The following MSRA variants were observed in gnomAD, a reference collection of about 807,000 sequenced individuals.
MSRA encodes methionine sulfoxide reductase A.
A neutral mutation model predicts 31.3 loss-of-function variants in MSRA; 54 were observed. The ratio of observed to expected loss-of-function variants is 1.73; its 90% CI spans 1.39 to 2.17. The LOEUF is 2.17. Among genes scored for constraint, MSRA ranks in the 30% most tolerant of loss-of-function variants. The pLI, the probability that MSRA is intolerant of heterozygous loss-of-function variation, is 0.00. For missense variants in MSRA, 507 were observed against 300.9 expected, an observed-to-expected ratio of 1.69 and a Z score of -5.07; for synonymous variants, 169 against 116.5, an observed-to-expected ratio of 1.45 and a Z score of -2.90.
intron 2 of MSRA, among the ~76,000 whole-genome samples, chr8:10,212,728 A>G (rs766891370): frequency 4.6e-5 from 7 of 152,208 alleles, no homozygotes; most frequent in Non-Finnish European, 8.8e-5. Context: ...TGAGATATTC[A>G]GATGGTAGAG....
chr8:10,410,704 C>T (rs1185676686), intron 5 of MSRA, among the ~76,000 whole-genome samples: 1 of 152,088 alleles, frequency 6.6e-6, no homozygotes, highest in East Asian at 1.9e-4. Flanking sequence ...CTGGAGAACT[C>T]CTGGAGATAT....
At position 10,428,216 on chromosome 8, in the gene MSRA, G is replaced by A. The variant is rs150595709; in HGVS notation, c.612G>A (p.Ala204=). The change falls in exon 6 of 6, where the codon GCG becomes GCA. Residue 204 remains alanine, a synonymous_variant. Transcript: ENST00000317173. ...DIREGQTFYY[A]EDYHQQYLSK... is the part of the protein sequence containing the mutation. ...GGGAGGGACAGACTTTCTACTATGC[G>A]GAAGACTACCACCAGCAGTACCTGA... 278 of 1,614,116 alleles carry A rather than the reference G, an allele frequency of 1.7e-4. 1 individual carries two copies. The African/African-American group carries it at 3.0e-3, about 17-fold the overall frequency.
intron 2 of MSRA, among the ~76,000 whole-genome samples, chr8:10,213,823 C>G (rs1383862064): frequency 1.3e-5 from 2 of 152,114 alleles, no homozygotes; most frequent in Admixed American, 1.3e-4. Context: ...CACTGATTTC[C>G]TCTCTTTTGG....
At chr8:10,181,742 G>A (rs1563189936) in intron 1 of MSRA, among the ~76,000 whole-genome samples, 1 of 152,164 alleles carries the variant, frequency 6.6e-6, no homozygotes, top group South Asian at 2.1e-4. Context: ...AAGTGGTCGT[G>A]GTCCAGACGT....
chr8:10,065,278 G>C (rs895594573), intron 1 of MSRA, among the ~76,000 whole-genome samples: 3 of 151,960 alleles, frequency 2.0e-5, no homozygotes, highest in Non-Finnish European at 2.9e-5. Flanking sequence ...CCCCATGCAG[G>C]TTGCTGGGAA....
intron 3 of MSRA, among the ~76,000 whole-genome samples, chr8:10,266,510 A>T (rs1008786624): frequency 1.3e-5 from 2 of 152,184 alleles, no homozygotes; most frequent in Non-Finnish European, 2.9e-5. Context: ...AATGATTTGC[A>T]AATATTTTAT....
chr8:10,214,085 C>G (rs576383565), intron 2 of MSRA, among the ~76,000 whole-genome samples: 1 of 152,282 alleles, frequency 6.6e-6, no homozygotes, highest in Admixed American at 6.5e-5. Flanking sequence ...TTTTCCGGGT[C>G]AGATTCTCTG....
chr8:10,390,991 A>AAT (rs1368790835), intron 5 of MSRA, among the ~76,000 whole-genome samples: 4 of 151,512 alleles, frequency 2.6e-5, no homozygotes, highest in Admixed American at 2.6e-4. Context: ...AAAAAAAAAA[A>AAT]AACAGCACAA....
chr8:10,232,490 A>G (rs1457569456), intron 2 of MSRA, among the ~76,000 whole-genome samples: 1 of 152,222 alleles, frequency 6.6e-6, no homozygotes, highest in Admixed American at 6.5e-5. Context: ...GCCTTTCATG[A>G]GTGCGGAAGA....
intron 1 of MSRA, among the ~76,000 whole-genome samples, chr8:10,176,617 C>T (rs889735001): frequency 1.3e-5 from 2 of 152,250 alleles, no homozygotes; most frequent in Admixed American, 1.3e-4. Context: ...ATACTGCTTT[C>T]TTCTTTCCCC....
rs760395850 is a variant in MSRA at position 10,428,264 on chromosome 8, C to T, written c.660C>T (p.Cys220=). The T allele has an allele frequency of 6.7e-5, 108 of 1,613,960 alleles. No individual in the cohort carries two copies. The highest frequency in any genetic ancestry group is 1.6e-4 in the East Asian group (7 of 44,886). The change falls in exon 6 of 6, where the codon TGC becomes TGT. Residue 220 remains cysteine, a synonymous_variant. Coordinates refer to ENST00000317173, the MANE Select transcript of MSRA (RefSeq NM_012331.5). ...QYLSKNPNGY[C]GLGGTGVSCP... is the part of the protein sequence containing the mutation. ...TGAGCAAGAACCCCAATGGCTACTGCGGCCTTGGGGGCACCGGCGTGTCCT... is the reference window on the plus strand; with the variant it reads ...TGAGCAAGAACCCCAATGGCTACTGTGGCCTTGGGGGCACCGGCGTGTCCT...
intron 5 of MSRA, among the ~76,000 whole-genome samples, chr8:10,327,448 A>C (rs1411135711): frequency 1.3e-5 from 2 of 152,264 alleles, no homozygotes; most frequent in Non-Finnish European, 2.9e-5. Flanking sequence ...ATGCATGTAC[A>C]AATGGGTTCC....
chr8:10,122,098 C>T, intron 1 of MSRA, among the ~76,000 whole-genome samples: 1 of 152,096 alleles, frequency 6.6e-6, no homozygotes, highest in Admixed American at 6.6e-5. Flanking sequence ...TCTGTCCTGT[C>T]ACCATGGCAA....
chr8:10,081,216 C>A (rs908572991), intron 1 of MSRA, among the ~76,000 whole-genome samples: 1 of 152,168 alleles, frequency 6.6e-6, no homozygotes, highest in Non-Finnish European at 1.5e-5. Context: ...GTGGCTGATT[C>A]CACGTGGAGG....
chr8:10,250,760 C>G (rs1332148206), intron 3 of MSRA: 2 of 395,500 alleles, frequency 5.1e-6, no homozygotes, highest in East Asian at 4.2e-5. Context: ...GCTTATGTGT[C>G]CTGTCCTGAG....
At chr8:10,209,910 G>C (rs1809324477) in intron 2 of MSRA, among the ~76,000 whole-genome samples, 2 of 152,324 alleles carry the variant, frequency 1.3e-5, no homozygotes, top group African/African-American at 4.8e-5. Flanking sequence ...GAATATGTTT[G>C]ACATCTAAGA....
Position 10,054,395 on chromosome 8 carries a change from GC to G in MSRA, c.-119del. 4.2e-6 allele frequency: 1 copy of G among 236,898 alleles called. No homozygotes were observed. Among genetic ancestry groups the G allele is most frequent in the Non-Finnish European group, 6.7e-6 (1 of 148,426 alleles). 14.7% of individuals were successfully genotyped at this position (236,898 alleles called of 1,614,324 possible). On this transcript the variant is annotated 5_prime_UTR_variant, in exon 1 of 6. Coordinates refer to ENST00000317173, the MANE Select transcript of MSRA (RefSeq NM_012331.5). Reference sequence around the variant, plus strand: ...GCCCCGCCAGCAGCGCCCCGCGCCCGCCCGCCCGCGCCCCTGCCGCCCCCCG... The same window carrying G: ...GCCCCGCCAGCAGCGCCCCGCGCCCGCCGCCCGCGCCCCTGCCGCCCCCCG...
chr8:10,362,461 CAAAAAAA>C (rs11388593), intron 5 of MSRA, among the ~76,000 whole-genome samples: 5 of 76,722 alleles, frequency 6.5e-5, no homozygotes, highest in African/African-American at 2.0e-4. Context: ...ATACCATAAG[CAAAAAAA>C]AAAAAAAAAA....
chr8:10,402,366 A>G (rs1190331855), intron 5 of MSRA, among the ~76,000 whole-genome samples: 5 of 152,206 alleles, frequency 3.3e-5, no homozygotes, highest in Non-Finnish European at 7.3e-5. Flanking sequence ...CTGATGCTGA[A>G]CGCCAAATGT....
Sources: allele counts gnomAD v4.1 joint callset (sites outside exome capture counted in the v4.1 genomes callset), GRCh38; gene constraint gnomAD v4.1.1; transcripts MANE v1.5; gene names NCBI Gene and HGNC (gene_info 2026-07-23, HGNC 2026-07-21).